SLC25A26: variants seen among roughly 807,000 people sequenced by gnomAD.
SLC25A26 encodes solute carrier family 25 member 26.
Under a neutral mutation model 37.8 loss-of-function variants are expected in SLC25A26, and 36 were observed. The ratio of observed to expected loss-of-function variants is 0.95; its 90% CI spans 0.73 to 1.26. The LOEUF (loss-of-function observed/expected upper bound fraction) is 1.26, where lower values mean the gene tolerates loss of function less well. Ranked by LOEUF, SLC25A26 falls within the 50% of genes most tolerant of loss-of-function variation. The pLI, the probability that SLC25A26 is intolerant of heterozygous loss-of-function variation, is 0.00. For synonymous variants in SLC25A26, 129 were observed against 122.5 expected, an observed-to-expected ratio of 1.05 and a Z score of -0.35; for missense variants, 390 against 331.1, an observed-to-expected ratio of 1.18 and a Z score of -1.38.
intron 5 of SLC25A26, among the ~76,000 whole-genome samples, chr3:66,336,648 T>C (rs1354659806): frequency 6.6e-6 from 1 of 152,184 alleles, no homozygotes; most frequent in Non-Finnish European, 1.5e-5. Context: ...CTTAACATAC[T>C]GGAAATGACT....
chr3:66,270,522 G>A (rs2073921744), intron 5 of SLC25A26, among the ~76,000 whole-genome samples: 1 of 152,130 alleles, frequency 6.6e-6, no homozygotes, highest in Non-Finnish European at 1.5e-5. Context: ...TATTATTCAG[G>A]CTTTCAGTAA....
At chr3:66,267,934 C>T (rs2073819188) in intron 5 of SLC25A26, among the ~76,000 whole-genome samples, 1 of 152,204 alleles carries the variant, frequency 6.6e-6, no homozygotes, top group South Asian at 2.1e-4. Flanking sequence ...GACTGCCCTC[C>T]AAAGTCTCCT....
intron 5 of SLC25A26, among the ~76,000 whole-genome samples, chr3:66,336,859 G>A (rs1305053539): frequency 6.6e-6 from 1 of 152,108 alleles, no homozygotes; most frequent in Non-Finnish European, 1.5e-5. Flanking sequence ...AGATTTTTAA[G>A]AACTTTTCAA....
intron 1 of SLC25A26, among the ~76,000 whole-genome samples, chr3:66,193,104 A>C (rs1467933646): frequency 6.6e-6 from 1 of 152,098 alleles, no homozygotes; most frequent in African/African-American, 2.4e-5. Flanking sequence ...TGTGTAGTTC[A>C]CTCATATAAT....
At chr3:66,338,025 C>T (rs187514262) in intron 5 of SLC25A26, among the ~76,000 whole-genome samples, 1 of 152,090 alleles carries the variant, frequency 6.6e-6, no homozygotes, top group Admixed American at 6.6e-5. Flanking sequence ...CCAGAAAGTT[C>T]TCTCATCTTC....
intron 5 of SLC25A26, among the ~76,000 whole-genome samples, chr3:66,337,799 C>T (rs764696092): frequency 3.3e-5 from 5 of 151,928 alleles, no homozygotes; most frequent in African/African-American, 4.8e-5. Context: ...CCATGCAGTA[C>T]CCATCACCAA....
chr3:66,223,824 A>G (rs914361162), intron 1 of SLC25A26, among the ~76,000 whole-genome samples: 4 of 152,208 alleles, frequency 2.6e-5, no homozygotes, highest in African/African-American at 7.2e-5. Context: ...AGAGTGGGGT[A>G]TCCAGAAACA....
intron 7 of SLC25A26, among the ~76,000 whole-genome samples, chr3:66,367,942 G>A (rs1017329975): frequency 1.3e-5 from 2 of 152,152 alleles, no homozygotes; most frequent in Non-Finnish European, 2.9e-5. Context: ...AACCCAAGGG[G>A]ATTCAAATAT....
At chr3:66,365,608 G>C (rs981381516) in intron 7 of SLC25A26, among the ~76,000 whole-genome samples, 2 of 152,202 alleles carry the variant, frequency 1.3e-5, no homozygotes, top group Admixed American at 6.5e-5. Flanking sequence ...TAGGAGAGAA[G>C]AGGGTGGGGG....
chr3:66,311,796 G>T (rs1015880946), intron 5 of SLC25A26, among the ~76,000 whole-genome samples: 12 of 152,258 alleles, frequency 7.9e-5, no homozygotes, highest in Non-Finnish European at 1.5e-4. Flanking sequence ...TTCAGACCCT[G>T]TGTGCCTGGG....
chr3:66,196,884 C>T (rs1371709340), intron 1 of SLC25A26, among the ~76,000 whole-genome samples: 1 of 151,954 alleles, frequency 6.6e-6, no homozygotes, highest in Non-Finnish European at 1.5e-5. Flanking sequence ...TTTTAATAAG[C>T]ATTATCTTAT....
intron 5 of SLC25A26, among the ~76,000 whole-genome samples, chr3:66,306,021 G>C (rs984471399): frequency 5.3e-5 from 8 of 151,834 alleles, no homozygotes. Flanking sequence ...GTCTCGCTCT[G>C]TTGCCTAGGC....
chr3:66,218,683 T>C (rs2071396987), upstream of SLC25A26, among the ~76,000 whole-genome samples: 1 of 152,238 alleles, frequency 6.6e-6, no homozygotes, highest in African/African-American at 2.4e-5. Context: ...TGAGAGACTT[T>C]GTAGTTTCTG....
intron 5 of SLC25A26, among the ~76,000 whole-genome samples, chr3:66,307,329 T>C (rs939859848): frequency 1.3e-5 from 2 of 152,248 alleles, no homozygotes; most frequent in Non-Finnish European, 2.9e-5. Flanking sequence ...GTTAATATCC[T>C]TTGCCCACTT....
intron 5 of SLC25A26, among the ~76,000 whole-genome samples, chr3:66,338,627 CATTACTATCT>C (rs1553699085): frequency 1.3e-5 from 2 of 151,974 alleles, no homozygotes; most frequent in Non-Finnish European, 1.5e-5. Context: ...GTGTAACAGT[CATTACTATCT>C]ATTCCTAAAA....
intron 5 of SLC25A26, among the ~76,000 whole-genome samples, chr3:66,342,624 G>A (rs1302835470): frequency 1.3e-5 from 2 of 152,130 alleles, no homozygotes; most frequent in Non-Finnish European, 2.9e-5. Context: ...CTTTGTGATA[G>A]GTGAAGTGTG....
chr3:66,194,359 G>A (rs2071004137), intron 1 of SLC25A26, among the ~76,000 whole-genome samples: 2 of 152,126 alleles, frequency 1.3e-5, no homozygotes, highest in African/African-American at 4.8e-5. Flanking sequence ...CCCACCTGGG[G>A]AATTCCCATT....
intron 5 of SLC25A26, among the ~76,000 whole-genome samples, chr3:66,342,447 A>G (rs1337893628): frequency 6.6e-6 from 1 of 152,176 alleles, no homozygotes; most frequent in Admixed American, 6.5e-5. Flanking sequence ...TTTTAATTGA[A>G]AATAGAATGT....
intron 5 of SLC25A26, among the ~76,000 whole-genome samples, chr3:66,305,442 TTTTA>T (rs1207310821): frequency 1.3e-5 from 2 of 152,196 alleles, no homozygotes; most frequent in Non-Finnish European, 2.9e-5. Context: ...ATTGAAGGAC[TTTTA>T]TTTATTTATT....
Sources: allele counts gnomAD v4.1 joint callset (sites outside exome capture counted in the v4.1 genomes callset), GRCh38; gene constraint gnomAD v4.1.1; transcripts MANE v1.5; gene names NCBI Gene and HGNC (gene_info 2026-07-23, HGNC 2026-07-21).